Variants in ADGRD1 observed in about 807,000 individuals in gnomAD.
ADGRD1 encodes the protein adhesion G protein-coupled receptor D1.
A neutral mutation model predicts 113.4 loss-of-function variants in ADGRD1; 77 were observed. The observed-to-expected ratio is 0.68, with a 90% confidence interval of 0.57 to 0.82. ADGRD1 has a LOEUF of 0.82. Among genes scored for constraint, ADGRD1 ranks in the 40% least tolerant of loss-of-function variants. The probability of loss-of-function intolerance (pLI) is 0.00; values close to 1 mark genes in which losing one functional copy is unlikely to be tolerated. For missense variants in ADGRD1, 1,036 were observed against 1,139.1 expected, an observed-to-expected ratio of 0.91 and a Z score of 1.30; for synonymous variants, 474 against 475.0, an observed-to-expected ratio of 1.00 and a Z score of 0.03.
At chr12:131,067,725 T>G (rs1298235047) in intron 13 of ADGRD1, among the ~76,000 whole-genome samples, 1 of 63,032 alleles carries the variant, frequency 1.6e-5, no homozygotes, top group Non-Finnish European at 3.5e-5. Flanking sequence ...CTGCCTCCTG[T>G]ATTTCTGATC....
rs1240427949 is a variant in ADGRD1 at position 131,132,015 on chromosome 12, C to A, written c.2267+199C>A. ...CTCGTGACCCAGGACAGGGCCTTTA[C>A]CCAGCCCCAGAGCTCCCATGTGTAG... On this transcript the variant is annotated intron_variant, in intron 21 of 24. Transcript: ENST00000261654. Among the ~76,000 whole-genome samples the A allele has an allele frequency of 3.9e-5, 6 of 152,306 alleles. 1 individual carries two copies. In the Middle Eastern group the frequency reaches 0.01, roughly 259 times the overall value.
chr12:131,138,997 C>T (rs1319272433), intron 24 of ADGRD1, among the ~76,000 whole-genome samples, 171 bp from the exon 25 acceptor site: 2 of 152,198 alleles, frequency 1.3e-5, no homozygotes, highest in East Asian at 1.9e-4. Flanking sequence ...CGCCACAGTG[C>T]GCACATCCTC....
chr12:131,096,130 C>T lies in ADGRD1; in HGVS notation c.1672-8701C>T, dbSNP rs937829465. On this transcript the variant is annotated intron_variant, in intron 15 of 24. Coordinates refer to ENST00000261654, the MANE Select transcript of ADGRD1 (RefSeq NM_198827.5). The surrounding 1 kb of genome is among the most constrained non-coding windows in gnomAD (Gnocchi z 5.2). Reference sequence around the variant, plus strand: ...GACGCAGTTGCTGAGCCTGGGGCCCCGCTTTGCTCTTTGTTCTTTTTTTGT... The same window carrying T: ...GACGCAGTTGCTGAGCCTGGGGCCCTGCTTTGCTCTTTGTTCTTTTTTTGT... Among the ~76,000 whole-genome samples the T allele has an allele frequency of 6.6e-6, 1 of 152,176 alleles. No homozygotes were observed. The highest frequency in any genetic ancestry group is 2.4e-5 in the African/African-American group (1 of 41,450).
chr12:130,977,272 AG>A (rs1350635019), intron 4 of ADGRD1: 1 of 152,280 alleles, frequency 6.6e-6, no homozygotes, highest in Non-Finnish European at 1.5e-5. Flanking sequence ...TGGCTTTGTT[AG>A]AGGAGCAGGG....
chr12:131,093,694 G>A (rs1269472276), intron 15 of ADGRD1, among the ~76,000 whole-genome samples: 1 of 152,228 alleles, frequency 6.6e-6, no homozygotes, highest in Admixed American at 6.5e-5. Context: ...CGGGGTCTCT[G>A]TGTGAATGTT....
intron 15 of ADGRD1, among the ~76,000 whole-genome samples, chr12:131,089,722 C>A (rs1886774277): frequency 6.6e-6 from 1 of 152,210 alleles, no homozygotes; most frequent in Non-Finnish European, 1.5e-5. Context: ...TGCATTCAGG[C>A]CTGCCCTCTC....
At chr12:131,095,128 C>A (rs899555743) in intron 15 of ADGRD1, among the ~76,000 whole-genome samples, 2 of 152,242 alleles carry the variant, frequency 1.3e-5, no homozygotes, top group African/African-American at 4.8e-5. Context: ...GTCCCCCCGA[C>A]TCTCAGGCTG....
intron 12 of ADGRD1, among the ~76,000 whole-genome samples, chr12:131,012,517 T>C (rs1384107715): frequency 1.3e-5 from 2 of 152,206 alleles, no homozygotes; most frequent in African/African-American, 2.4e-5. Flanking sequence ...GCCATCTTTG[T>C]AAACACTTTG....
At chr12:131,011,994 C>T (rs1219501189) in intron 12 of ADGRD1, among the ~76,000 whole-genome samples, 3 of 152,194 alleles carry the variant, frequency 2.0e-5, no homozygotes, top group African/African-American at 7.2e-5. Context: ...CTCGAGCCCA[C>T]CCTCACTTTC....
At chr12:130,983,260 CCTT>C (rs1028937456) in intron 5 of ADGRD1, among the ~76,000 whole-genome samples, 3 of 152,150 alleles carry the variant, frequency 2.0e-5, no homozygotes, top group Admixed American at 1.3e-4. Context: ...AAGGTGTTTG[CCTT>C]CTTCTGTGGA....
intron 14 of ADGRD1, among the ~76,000 whole-genome samples, chr12:131,083,198 T>C (rs1412318136): frequency 2.0e-5 from 3 of 152,266 alleles, no homozygotes; most frequent in Non-Finnish European, 4.4e-5. Context: ...TTATGAATGC[T>C]TTCCCCCAAG....
rs757487873 is a variant in ADGRD1 at position 131,006,042 on chromosome 12, C to T, written c.1326C>T (p.His442=). 6.2e-7 allele frequency: 1 copy of T among 1,612,808 alleles called. No individual in the cohort carries two copies. Among genetic ancestry groups the T allele is most frequent in the East Asian group, 2.2e-5 (1 of 44,868 alleles). Residue 442 remains histidine, a synonymous_variant, in exon 12 of 25, where the codon CAC becomes CAT. Transcript: ENST00000261654. ...ACCTGAACAACATCTGGCCCGCCCA[C>T]ACCAAGTGAGTCTCGGGGGTGCTCA... ...HYYLNNIWPA[H]TKIAEAMHHQ... is the part of the protein sequence containing the mutation.
At chr12:131,082,980 C>T (rs1396085368) in intron 14 of ADGRD1, among the ~76,000 whole-genome samples, 2 of 152,222 alleles carry the variant, frequency 1.3e-5, no homozygotes, top group Non-Finnish European at 2.9e-5. Flanking sequence ...CGCTCCACGT[C>T]GCCCAGGGCT....
intron 20 of ADGRD1, among the ~76,000 whole-genome samples, chr12:131,125,375 A>G (rs1277246646): frequency 6.6e-6 from 1 of 152,176 alleles, no homozygotes; most frequent in Non-Finnish European, 1.5e-5. Flanking sequence ...TGCTGGCCCC[A>G]CCGAGGAAAG....
intron 13 of ADGRD1, among the ~76,000 whole-genome samples, chr12:131,021,517 G>T (rs1879316123): frequency 6.6e-6 from 1 of 152,170 alleles, no homozygotes; most frequent in East Asian, 1.9e-4. Flanking sequence ...GCAGCATCAG[G>T]CTGTGTGAGT....
chr12:130,959,659 C>T (rs1047280835), intron 2 of ADGRD1, among the ~76,000 whole-genome samples: 2 of 152,162 alleles, frequency 1.3e-5, no homozygotes, highest in African/African-American at 4.8e-5. Context: ...TAAAGCTAGC[C>T]AACCAGCATG....
chr12:130,955,727 G>A (rs936743381), intron 2 of ADGRD1, among the ~76,000 whole-genome samples: 3 of 152,186 alleles, frequency 2.0e-5, no homozygotes, highest in Admixed American at 6.5e-5. Flanking sequence ...CCCCCCGAGC[G>A]CTATTGTATG....
Position 131,139,253 on chromosome 12 carries a change from C to T in ADGRD1, c.2615C>T (p.Ser872Leu), listed in dbSNP as rs781475242. ...SSHSAHRVDLSAV is the reference protein window; with the variant it reads ...SSHSAHRVDLLAV ...CACTCTGCCCACCGCGTCGACCTGTCAGCCGTGTGAGCCGGGAGGCTGCCA... is the reference window on the plus strand; with the variant it reads ...CACTCTGCCCACCGCGTCGACCTGTTAGCCGTGTGAGCCGGGAGGCTGCCA... The change falls in exon 25 of 25, where the codon TCA (serine) becomes TTA (leucine). Residue 872 changes from serine to leucine, a missense_variant. Transcript: ENST00000261654. 6.2e-7 allele frequency: 1 copy of T among 1,612,218 alleles called. No homozygotes were observed.
Position 131,132,844 on chromosome 12 carries a change from G to A in ADGRD1, c.2267+1028G>A, listed in dbSNP as rs536202830. 1.8e-4 allele frequency among the ~76,000 whole-genome samples: 28 copies of A among 152,350 alleles called. No individual in the cohort carries two copies. In the South Asian group the frequency reaches 4.4e-3, roughly 24 times the overall value. On this transcript the variant is annotated intron_variant, in intron 21 of 24. Coordinates refer to ENST00000261654, the MANE Select transcript of ADGRD1 (RefSeq NM_198827.5). ...TCAGGGGCTTTGTGAAAAGCAGGGC[G>A]TGGGTACCAGGCAGCTGACATTCTG...
Sources: allele counts gnomAD v4.1 joint callset (sites outside exome capture counted in the v4.1 genomes callset), GRCh38; gene constraint gnomAD v4.1.1; non-coding constraint Gnocchi (gnomAD v3.1); transcripts MANE v1.5; gene names NCBI Gene and HGNC (gene_info 2026-07-23, HGNC 2026-07-21).